SLC5A1: variants seen among roughly 807,000 people sequenced by gnomAD.
SLC5A1 encodes solute carrier family 5 member 1.
Under a neutral mutation model 73.5 loss-of-function variants are expected in SLC5A1, and 42 were observed. That is an observed-to-expected ratio of 0.57 (90% CI 0.45 to 0.74). The LOEUF (loss-of-function observed/expected upper bound fraction) is 0.74. Ranked by LOEUF, SLC5A1 falls within the 30% of genes least tolerant of loss-of-function variation. SLC5A1 has a pLI of 0.00. For synonymous variants in SLC5A1, 300 were observed against 317.4 expected, an observed-to-expected ratio of 0.95 and a Z score of 0.58; for missense variants, 634 against 855.4, an observed-to-expected ratio of 0.74 and a Z score of 3.23.
intron 2 of SLC5A1, among the ~76,000 whole-genome samples, chr22:32,056,367 A>G (rs1362074618): frequency 6.6e-6 from 1 of 150,786 alleles, no homozygotes; most frequent in Non-Finnish European, 1.5e-5. Context: ...GGGTTGCCAG[A>G]TTTCACAAAT....
intron 2 of SLC5A1, among the ~76,000 whole-genome samples, chr22:32,054,209 C>T (rs2093948654): frequency 6.6e-6 from 1 of 152,124 alleles, no homozygotes; most frequent in Non-Finnish European, 1.5e-5. Flanking sequence ...TCATCTCCAG[C>T]TTCTCCTCCT....
intron 11 of SLC5A1, among the ~76,000 whole-genome samples, chr22:32,092,836 T>C (rs1889967468): frequency 6.6e-6 from 1 of 152,236 alleles, no homozygotes; most frequent in Non-Finnish European, 1.5e-5. Flanking sequence ...TTTGTTTTTG[T>C]TGCATTTGCC....
chr22:32,091,478 T>A, intron 10 of SLC5A1, 134 bp from the exon 11 acceptor site: 1 of 1,004,626 alleles, frequency 1.0e-6, no homozygotes, highest in South Asian at 1.4e-5. Flanking sequence ...AAGCTTCTAG[T>A]CTTTTTGGAG....
intron 11 of SLC5A1, among the ~76,000 whole-genome samples, chr22:32,098,799 T>C (rs1013488183): frequency 2.6e-5 from 4 of 152,140 alleles, no homozygotes; most frequent in Non-Finnish European, 2.9e-5. Context: ...TATATACTCA[T>C]GTAGAGGCCG....
chr22:32,045,610 G>A (rs2093936115), intron 1 of SLC5A1, among the ~76,000 whole-genome samples: 1 of 152,212 alleles, frequency 6.6e-6, no homozygotes, highest in Non-Finnish European at 1.5e-5. Flanking sequence ...ATGTCCCTCT[G>A]TCACCTTCTC....
chr22:32,044,518 T>G (rs953795520), intron 1 of SLC5A1, among the ~76,000 whole-genome samples: 5 of 151,514 alleles, frequency 3.3e-5, no homozygotes, highest in South Asian at 2.1e-4. Flanking sequence ...AGGAAGTGTT[T>G]TTTTTTTTTT....
intron 3 of SLC5A1, among the ~76,000 whole-genome samples, chr22:32,067,701 C>T (rs1024511575): frequency 6.6e-6 from 1 of 151,788 alleles, no homozygotes; most frequent in Non-Finnish European, 1.5e-5. Context: ...CTGTGTAAAC[C>T]AGGGAAGAGG....
chr22:32,083,217 A>C, intron 7 of SLC5A1, 63 bp downstream of exon 7: 1 of 1,365,102 alleles, frequency 7.3e-7, no homozygotes, highest in South Asian at 1.2e-5. Flanking sequence ...AGGAAGAGGA[A>C]GGCAAGTCCA....
At chr22:32,101,724 T>A (rs2094036615) in intron 12 of SLC5A1, among the ~76,000 whole-genome samples, 1 of 152,210 alleles carries the variant, frequency 6.6e-6, no homozygotes, top group African/African-American at 2.4e-5. Flanking sequence ...GTCTGTAGGT[T>A]GACATTCTAT....
At chr22:32,090,678 A>G (rs545609907) in intron 10 of SLC5A1, among the ~76,000 whole-genome samples, 1 of 142,350 alleles carries the variant, frequency 7.0e-6, no homozygotes, top group South Asian at 2.3e-4. Context: ...TCTTGGGTAG[A>G]GAGAAATGAA....
intron 14 of SLC5A1, 110 bp downstream of exon 14, chr22:32,105,001 C>G: frequency 1.2e-6 from 1 of 817,010 alleles, no homozygotes; most frequent in South Asian, 1.4e-5. Flanking sequence ...GATGTCTCCC[C>G]TCCAGGGCAG....
rs893969451 is a variant in SLC5A1 at position 32,059,434 on chromosome 22, T to G, written c.208-7501T>G. On this transcript the variant is annotated intron_variant, in intron 2 of 14. Transcript: ENST00000266088. ...ATTCTGCAGATGAGGGAAGTGTTTT[T>G]ATAGACAGAGCTTGATGAAGAGGGC... 15 of 760,342 alleles carry G rather than the reference T, an allele frequency of 2.0e-5. No homozygotes were observed. In the Admixed American group the frequency reaches 5.0e-4, roughly 25 times the overall value. 47.1% of individuals were successfully genotyped at this position (760,342 alleles called of 1,614,324 possible).
At chr22:32,046,478 T>G (rs1021664607) in intron 1 of SLC5A1, among the ~76,000 whole-genome samples, 25 of 151,984 alleles carry the variant, frequency 1.6e-4, no homozygotes, top group African/African-American at 5.8e-4. Context: ...CTCTCCCAAG[T>G]GGCTTTATTT....
At chr22:32,091,234 T>C (rs1234536036) in intron 10 of SLC5A1, among the ~76,000 whole-genome samples, 1 of 152,064 alleles carries the variant, frequency 6.6e-6, no homozygotes, top group Non-Finnish European at 1.5e-5. Flanking sequence ...CTTTCTGTTA[T>C]ATCATAAATA....
intron 2 of SLC5A1, among the ~76,000 whole-genome samples, chr22:32,066,427 G>A (rs764495023): frequency 1.3e-5 from 2 of 152,032 alleles, no homozygotes; most frequent in Non-Finnish European, 2.9e-5. Context: ...TCAGCTCCAC[G>A]CCCCTCCTCA....
chr22:32,098,228 TA>T (rs1569315767), intron 11 of SLC5A1, among the ~76,000 whole-genome samples: 2 of 152,248 alleles, frequency 1.3e-5, no homozygotes, highest in African/African-American at 4.8e-5. Flanking sequence ...AATATGTTTG[TA>T]AAAACACATG....
intron 2 of SLC5A1, among the ~76,000 whole-genome samples, chr22:32,058,260 GC>G (rs2149485133): frequency 6.6e-6 from 1 of 152,280 alleles, no homozygotes; most frequent in East Asian, 1.9e-4. Context: ...AGTGGCTCAT[GC>G]CTATAATCCT....
rs2093933030 is a variant in SLC5A1, at chr22:32,043,504, T to G, written c.135+88T>G. On this transcript the variant is annotated intron_variant, in intron 1 of 14. Transcript: ENST00000266088. The surrounding 1 kb of genome is among the most constrained non-coding windows in gnomAD (Gnocchi z 6.5). ...GCTGAGCTGCAAGGGGCAGTAGGCT[T>G]AAGTGTCGGTGGAGGGGAGAGGAAA... 3 of 1,406,146 alleles carry G rather than the reference T, an allele frequency of 2.1e-6. No homozygotes were observed. The highest frequency in any genetic ancestry group is 3.0e-6 in the Non-Finnish European group (3 of 1,005,450). 87.1% of individuals were successfully genotyped at this position (1,406,146 alleles called of 1,614,324 possible).
rs898334396 is a variant in SLC5A1, at chr22:32,044,530, T to TC, written c.135+1116dup. On this transcript the variant is annotated intron_variant, in intron 1 of 14. Transcript: ENST00000266088. ...AAAAGGAAGTGTTTTTTTTTTTTTTTCCAAAGGAATTGTAGAAACTAGATG... is the reference window on the plus strand; with the variant it reads ...AAAAGGAAGTGTTTTTTTTTTTTTTTCCCAAAGGAATTGTAGAAACTAGATG... Among the ~76,000 whole-genome samples the TC allele has an allele frequency of 7.4e-4, 112 of 150,876 alleles. 3 individuals are homozygous for TC. The South Asian group carries it at 0.012, about 17-fold the overall frequency.
Sources: gnomAD v4.1 joint callset for allele counts (sites outside exome capture counted in the v4.1 genomes callset) on GRCh38, gnomAD v4.1.1 for gene constraint, Gnocchi (gnomAD v3.1) non-coding constraint, MANE v1.5 for transcripts, NCBI Gene and HGNC (gene_info 2026-07-23, HGNC 2026-07-21) for gene names.